Variants in GPR137C observed in about 807,000 individuals in gnomAD.
The protein encoded by GPR137C is G protein-coupled receptor 137C.
GPR137C carries 27 observed loss-of-function variants against 43.4 expected under a neutral mutation model. The ratio of observed to expected loss-of-function variants is 0.62; its 90% confidence interval spans 0.46 to 0.86. The LOEUF is 0.86. Ranked by LOEUF, GPR137C falls within the 40% of genes least tolerant of loss-of-function variation. GPR137C has a pLI of 0.00. For synonymous variants in GPR137C, 285 were observed against 226.9 expected (o/e 1.26, Z -2.30); for missense variants, 522 against 534.6 (o/e 0.98, Z 0.23).
At chr14:52,558,285 C>A (rs769621499) in intron 1 of GPR137C, among the ~76,000 whole-genome samples, 2 of 152,064 alleles carry the variant, frequency 1.3e-5, no homozygotes, top group African/African-American at 2.4e-5. Context: ...TAAAAGACTT[C>A]ATCCCCTCCA....
chr14:52,558,825 T>C (rs2038234859), intron 1 of GPR137C, among the ~76,000 whole-genome samples: 1 of 151,594 alleles, frequency 6.6e-6, no homozygotes, highest in South Asian at 2.1e-4. Context: ...TAAAAAGAAA[T>C]AAGTGAACTA....
chr14:52,561,735 A>G (rs993485160), intron 1 of GPR137C, among the ~76,000 whole-genome samples: 2 of 152,160 alleles, frequency 1.3e-5, no homozygotes, highest in African/African-American at 4.8e-5. Context: ...ATGAGCTCAC[A>G]CTGTATCATT....
Position 52,600,268 on chromosome 14 carries a change from G to A in GPR137C, c.644G>A (p.Cys215Tyr). The change falls in exon 3 of 7, where the codon TGT becomes TAT. Residue 215 changes from cysteine to tyrosine, a missense_variant. Transcript: ENST00000321662. ...ATTAATGATAGCCTGTTTATTCTTT[G>A]TGCCATCTCTTTAGTGTGTTACATA... ...ALINDSLFIL[C>Y]AISLVCYICK... The A allele has an allele frequency of 6.2e-7, 1 of 1,613,500 alleles. No homozygotes were observed. The highest frequency in any genetic ancestry group is 8.5e-7 in the Non-Finnish European group (1 of 1,179,590).
chr14:52,587,802 A>G (rs893010601), intron 1 of GPR137C, among the ~76,000 whole-genome samples: 1 of 152,192 alleles, frequency 6.6e-6, no homozygotes, highest in Non-Finnish European at 1.5e-5. Context: ...ATTCAGAATA[A>G]CTAAACCGTA....
At position 52,617,397 on chromosome 14, in the gene GPR137C, G is replaced by A. The variant is rs181987323; in HGVS notation, c.718-14763G>A. On this transcript the variant is annotated intron_variant, in intron 3 of 6. Transcript: ENST00000321662. ...ATTAAGTGATTAAAAGATGGAAACTGGCCGGGCGCGGGGGCTCACACCTGT... is the reference window on the plus strand; with the variant it reads ...ATTAAGTGATTAAAAGATGGAAACTAGCCGGGCGCGGGGGCTCACACCTGT... 1.6e-3 allele frequency among the ~76,000 whole-genome samples: 240 copies of A among 152,234 alleles called. 1 individual carries two copies. The highest frequency in any genetic ancestry group is 4.3e-3 in the African/African-American group (180 of 41,554).
chr14:52,587,162 G>A (rs2038723937), intron 1 of GPR137C, among the ~76,000 whole-genome samples: 1 of 152,140 alleles, frequency 6.6e-6, no homozygotes. Flanking sequence ...AACACTGTCT[G>A]AAAACCTACT....
At chr14:52,572,470 C>G (rs1472108649) in intron 1 of GPR137C, among the ~76,000 whole-genome samples, 1 of 152,224 alleles carries the variant, frequency 6.6e-6, no homozygotes, top group African/African-American at 2.4e-5. Context: ...CATAATTCAT[C>G]ACATAAACAG....
intron 1 of GPR137C, among the ~76,000 whole-genome samples, chr14:52,590,309 G>A (rs2038765824): frequency 6.6e-6 from 1 of 152,146 alleles, no homozygotes; most frequent in Non-Finnish European, 1.5e-5. Flanking sequence ...TTGTACAGCT[G>A]TATGACGTAT....
chr14:52,629,759 T>C (rs1262160255), intron 3 of GPR137C, among the ~76,000 whole-genome samples: 1 of 151,866 alleles, frequency 6.6e-6, no homozygotes, highest in South Asian at 2.1e-4. Context: ...TTGGGTTACA[T>C]GTGTGTATAC....
rs192083607 is a variant in GPR137C at position 52,556,171 on chromosome 14, G to A, written c.444+2580G>A. ...TTGATTACCAACTCACTCTGTCTTTGCTGTATGCCGTATTAAATACCAATT... is the reference window on the plus strand; with the variant it reads ...TTGATTACCAACTCACTCTGTCTTTACTGTATGCCGTATTAAATACCAATT... On this transcript the variant is annotated intron_variant, in intron 1 of 6. Transcript: ENST00000321662. Among the ~76,000 whole-genome samples, 498 of 152,064 alleles carry A rather than the reference G, an allele frequency of 3.3e-3. 3 individuals carry two copies. The highest frequency in any genetic ancestry group is 0.011 in the African/African-American group (468 of 41,494).
chr14:52,556,991 A>G (rs2038204884), intron 1 of GPR137C, among the ~76,000 whole-genome samples: 1 of 152,184 alleles, frequency 6.6e-6, no homozygotes, highest in Non-Finnish European at 1.5e-5. Context: ...CTTAACTCTT[A>G]CATTTATGGA....
intron 1 of GPR137C, among the ~76,000 whole-genome samples, chr14:52,557,841 T>C (rs1191065343): frequency 1.3e-5 from 2 of 152,230 alleles, no homozygotes; most frequent in Non-Finnish European, 1.5e-5. Flanking sequence ...AAGTAATTTG[T>C]TTCTATACCA....
chr14:52,553,027 T>C lies in GPR137C; in HGVS notation c.-121T>C, dbSNP rs1290212976. The stretch of plus-strand genomic sequence containing the variant: ...TGGACTCCGGGTCCCGTCACGGCGC[T>C]TCCTGGGGTTAGAGGCTGGGGTGGG... On this transcript the variant is annotated 5_prime_UTR_variant, in exon 1 of 7. Coordinates refer to ENST00000321662, the MANE Select transcript of GPR137C (RefSeq NM_001099652.2). The C allele has an allele frequency of 5.0e-6, 2 of 398,732 alleles. No homozygotes were observed. The highest frequency in any genetic ancestry group is 5.7e-5 in the Admixed American group (1 of 17,598). 24.7% of individuals were successfully genotyped at this position (398,732 alleles called of 1,614,324 possible).
intron 6 of GPR137C, 149 bp downstream of exon 6, chr14:52,634,095 AT>A (rs2039325202): frequency 1.6e-6 from 1 of 621,394 alleles, no homozygotes; most frequent in Non-Finnish European, 2.9e-6. Flanking sequence ...AAAGCAGTAG[AT>A]GTTAAACCCA....
chr14:52,553,611 A>T lies in GPR137C; in HGVS notation c.444+20A>T, dbSNP rs369741603. ...GCGGAGGTAAGGCGGGAGGGCCGGC[A>T]TGCGGGGCCCGGGCGGGTGCGCGGG... On this transcript the variant is annotated intron_variant, in intron 1 of 6. Coordinates refer to ENST00000321662, the MANE Select transcript of GPR137C (RefSeq NM_001099652.2). 1.1e-5 allele frequency: 16 copies of T among 1,510,962 alleles called. No individual in the cohort carries two copies. The African/African-American group carries it at 1.8e-4, about 17-fold the overall frequency. The allele number at this position is 1,510,962 out of a possible 1,614,324, so 93.6% of individuals were successfully genotyped here.
chr14:52,594,358 A>T (rs1413006332), intron 1 of GPR137C, among the ~76,000 whole-genome samples: 1 of 152,224 alleles, frequency 6.6e-6, no homozygotes, highest in Admixed American at 6.5e-5. Flanking sequence ...TGCAGAGCTG[A>T]ATTCAAGTCC....
chr14:52,569,680 GAA>G (rs1347006380), intron 1 of GPR137C, among the ~76,000 whole-genome samples: 1 of 151,690 alleles, frequency 6.6e-6, no homozygotes, highest in East Asian at 2.0e-4. Context: ...TCAAGCAGAA[GAA>G]AGGATATCAG....
chr14:52,566,813 T>C (rs10483611), intron 1 of GPR137C, among the ~76,000 whole-genome samples: 15,922 of 152,224 alleles, frequency 0.1, 1,165 homozygotes, highest in East Asian at 0.37. Flanking sequence ...AGGGATACCA[T>C]TAGAACACTG....
rs528280919 is a variant in GPR137C at position 52,561,372 on chromosome 14, CTG to C, written c.444+7782_444+7783del. On this transcript the variant is annotated intron_variant, in intron 1 of 6. Transcript: ENST00000321662. ...CCTATGGTCCCAGCTACTCAGGAAACTGAGGCAGGAGGATCACTTGAGCCCAG... is the reference window on the plus strand; with the variant it reads ...CCTATGGTCCCAGCTACTCAGGAAACAGGCAGGAGGATCACTTGAGCCCAG... Among the ~76,000 whole-genome samples the C allele has an allele frequency of 2.0e-5, 3 of 152,198 alleles. No individual in the cohort carries two copies. The South Asian group carries it at 6.2e-4, about 31-fold the overall frequency.
Sources: allele counts gnomAD v4.1 joint callset (sites outside exome capture counted in the v4.1 genomes callset), GRCh38; gene constraint gnomAD v4.1.1; transcripts MANE v1.5; gene names NCBI Gene and HGNC (gene_info 2026-07-23, HGNC 2026-07-21).